The following RFX3 variants were observed in gnomAD, a reference collection of about 807,000 sequenced individuals.
The protein encoded by RFX3 is transcription factor RFX3.
In RFX3, 14 loss-of-function variants were observed where a neutral mutation model predicts 98.6. The ratio of observed to expected loss-of-function variants is 0.14; its 90% CI spans 0.09 to 0.22. RFX3 has a LOEUF of 0.22. Among genes scored for constraint, RFX3 ranks in the 10% least tolerant of loss-of-function variants. The pLI is 1.00. For missense variants in RFX3, 639 were observed against 926.9 expected (o/e 0.69, Z 4.03); for synonymous variants, 383 against 328.4 (o/e 1.17, Z -1.80).
At chr9:3,378,248 T>A (rs1167676384) in intron 2 of RFX3, among the ~76,000 whole-genome samples, 1 of 152,204 alleles carries the variant, frequency 6.6e-6, no homozygotes, top group Non-Finnish European at 1.5e-5. Context: ...AGGTACTCAT[T>A]CTGCCCTTTT....
chr9:3,394,278 A>G (rs1223433986), intron 2 of RFX3, among the ~76,000 whole-genome samples: 1 of 152,184 alleles, frequency 6.6e-6, no homozygotes, highest in Non-Finnish European at 1.5e-5. Flanking sequence ...CCTGGCTAAC[A>G]TGGTGAAACC....
At chr9:3,498,652 T>C (rs1462925417) in intron 1 of RFX3, among the ~76,000 whole-genome samples, 12 of 152,106 alleles carry the variant, frequency 7.9e-5, no homozygotes, top group Admixed American at 7.9e-4. Context: ...GGTACTATTA[T>C]TGCTATTTTA....
intron 6 of RFX3, among the ~76,000 whole-genome samples, chr9:3,291,978 A>G (rs1827418366): frequency 7.0e-6 from 1 of 142,762 alleles, no homozygotes; most frequent in Non-Finnish European, 1.5e-5. Flanking sequence ...AATCATTTGA[A>G]CCTGCGAGGC....
chr9:3,344,868 G>T lies in RFX3; in HGVS notation c.215+1799C>A, dbSNP rs942088036. 42 of 715,290 alleles carry T rather than the reference G, an allele frequency of 5.9e-5. 1 individual carries two copies. The African/African-American group carries it at 7.2e-4, about 12-fold the overall frequency. 44.3% of individuals were successfully genotyped at this position (715,290 alleles called of 1,614,324 possible). A position where few individuals can be genotyped will look rare whatever the true frequency, so the allele number is the denominator to read the frequency against. On this transcript the variant is annotated intron_variant, in intron 3 of 16. Transcript: ENST00000617270. ...GTGAAGATTCCAAAATCATGCTCCA[G>T]GGGGCCCTGGACCTATACAACAAAT...
intron 14 of RFX3, among the ~76,000 whole-genome samples, chr9:3,252,256 G>A (rs894157443): frequency 1.3e-5 from 2 of 152,104 alleles, no homozygotes; most frequent in African/African-American, 2.4e-5. Flanking sequence ...TTCCTACTCT[G>A]CGGCAGGGTC....
chr9:3,330,331 G>A lies in RFX3; in HGVS notation c.402C>T (p.Thr134=), dbSNP rs760765743. The change falls in exon 4 of 17, where the codon ACC becomes ACT. Residue 134 remains threonine (T), a synonymous_variant. Coordinates refer to ENST00000617270, the MANE Select transcript of RFX3 (RefSeq NM_001282116.2). ...GGQLISSSGG[T]YLIGNSMENS... ...TCTCCATTGAGTTGCCGATCAGATAGGTTCCTCCAGAGCTGCTGATGAGTT... is the reference window on the plus strand; with the variant it reads ...TCTCCATTGAGTTGCCGATCAGATAAGTTCCTCCAGAGCTGCTGATGAGTT... The A allele has an allele frequency of 6.2e-7, 1 of 1,614,122 alleles. No homozygotes were observed. Among genetic ancestry groups the A allele is most frequent in the Non-Finnish European group, 8.5e-7 (1 of 1,180,000 alleles).
chr9:3,344,954 C>T (rs3012670), intron 3 of RFX3: 69 of 637,608 alleles, frequency 1.1e-4, no homozygotes, highest in East Asian at 8.6e-4. Flanking sequence ...AGATTTAATA[C>T]GGTAACAGAA....
chr9:3,514,472 G>T (rs1198932378), intron 1 of RFX3, among the ~76,000 whole-genome samples: 6 of 150,926 alleles, frequency 4.0e-5, no homozygotes, highest in South Asian at 4.2e-4. Flanking sequence ...GTTTTGCTTT[G>T]TTTTTTTGAG....
intron 3 of RFX3, chr9:3,344,826 A>G: frequency 1.4e-6 from 1 of 714,948 alleles, no homozygotes; most frequent in Non-Finnish European, 2.6e-6. Flanking sequence ...AAATGCCAAC[A>G]GTAGTTTAAG....
rs781775141 is a variant in RFX3, at chr9:3,225,072, G to A, written c.2220C>T (p.Ser740=). ...CTGCAGTGTAGGTATTTCCTGTAGC[G>A]CTGCACTGTCTGATAGTCTGAGTAC... ...VTSTQTIRQC[S]ATGNTYTAV The change falls in exon 17 of 17, where the codon AGC becomes AGT. Residue 740 remains serine, a synonymous_variant. Transcript: ENST00000617270. The A allele has an allele frequency of 1.9e-5, 31 of 1,613,772 alleles. No homozygotes were observed. Among genetic ancestry groups the A allele is most frequent in the African/African-American group, 6.7e-5 (5 of 74,886 alleles).
At chr9:3,515,456 G>A (rs558197481) in intron 1 of RFX3, among the ~76,000 whole-genome samples, 1 of 152,166 alleles carries the variant, frequency 6.6e-6, no homozygotes, top group East Asian at 1.9e-4. Flanking sequence ...TGAGTCTTCT[G>A]TCTCCCACCT....
At chr9:3,525,569 C>G (rs1410871274) in intron 1 of RFX3, among the ~76,000 whole-genome samples, 178 bp downstream of exon 1, 1 of 152,020 alleles carries the variant, frequency 6.6e-6, no homozygotes, top group African/African-American at 2.4e-5. Flanking sequence ...CCATTGTAAA[C>G]AAGCCCGGGG....
chr9:3,486,726 A>G (rs1405597623), intron 1 of RFX3, among the ~76,000 whole-genome samples: 1 of 152,200 alleles, frequency 6.6e-6, no homozygotes, highest in Non-Finnish European at 1.5e-5. Flanking sequence ...TACATATTCA[A>G]TTTGTAGAAT....
chr9:3,492,834 G>A (rs371494205), intron 1 of RFX3, among the ~76,000 whole-genome samples: 7 of 152,238 alleles, frequency 4.6e-5, no homozygotes, highest in African/African-American at 1.4e-4. Context: ...AAGTTAGGAG[G>A]TCAGAGGATG....
chr9:3,434,748 G>A (rs1844967880), intron 1 of RFX3, among the ~76,000 whole-genome samples: 1 of 151,950 alleles, frequency 6.6e-6, no homozygotes, highest in Non-Finnish European at 1.5e-5. Flanking sequence ...CTTCTTTAAT[G>A]CACTTACCAC....
intron 4 of RFX3, among the ~76,000 whole-genome samples, chr9:3,327,662 A>C (rs1190801311): frequency 6.6e-6 from 1 of 152,112 alleles, no homozygotes; most frequent in African/African-American, 2.4e-5. Flanking sequence ...TTAACAAAAC[A>C]ACCTCAAATA....
rs142649212 is a variant in RFX3, at chr9:3,359,062, T to A, written c.118-12298A>T. ...CCCATATCATCTGGTATGCATGGTT[T>A]TTCTGCCATCCTTTAATCTGGGCCT... On this transcript the variant is annotated intron_variant, in intron 2 of 16. Transcript: ENST00000617270. 6.3e-3 allele frequency among the ~76,000 whole-genome samples: 957 copies of A among 151,832 alleles called. 5 individuals carry two copies. Among genetic ancestry groups the A allele is most frequent in the Non-Finnish European group, 0.011 (764 of 67,920 alleles).
At chr9:3,351,195 A>T (rs1157828769) in intron 2 of RFX3, among the ~76,000 whole-genome samples, 1 of 151,318 alleles carries the variant, frequency 6.6e-6, no homozygotes, top group African/African-American at 2.4e-5. Flanking sequence ...GTGTGAAGCG[A>T]GGGGTTTTAT....
At position 3,346,741 on chromosome 9, in the gene RFX3, C is replaced by T; in HGVS notation, c.141G>A (p.Gln47=). The change falls in exon 3 of 17, where the codon CAG becomes CAA. Residue 47 remains glutamine (Q), a synonymous_variant. Coordinates refer to ENST00000617270, the MANE Select transcript of RFX3 (RefSeq NM_001282116.2). The part of the protein sequence containing the change: ...QQQVQQVQTV[Q]QVQHVYPAQV... ...GAGCGGGATAGACATGTTGTACCTGCTGCACAGTCTGTACCTGCTGTACCT... is the reference window on the plus strand; with the variant it reads ...GAGCGGGATAGACATGTTGTACCTGTTGCACAGTCTGTACCTGCTGTACCT... 1.2e-6 allele frequency: 2 copies of T among 1,613,244 alleles called. No homozygotes were observed. The highest frequency in any genetic ancestry group is 1.7e-5 in the Admixed American group (1 of 59,984).
Sources: gnomAD v4.1 joint callset for allele counts (sites outside exome capture counted in the v4.1 genomes callset) on GRCh38, gnomAD v4.1.1 for gene constraint, MANE v1.5 for transcripts, NCBI Gene and HGNC (gene_info 2026-07-23, HGNC 2026-07-21) for gene names.